C9orf153: variants seen among roughly 807,000 people sequenced by gnomAD.
C9orf153 encodes the protein uncharacterized protein C9orf153.
A neutral mutation model predicts 9.0 loss-of-function variants in C9orf153; 10 were observed. The observed-to-expected ratio is 1.11, with a 90% CI of 0.69 to 1.89. The LOEUF is 1.89. C9orf153 is among the 40% of genes most tolerant of loss of function. The pLI, the probability that C9orf153 is intolerant of heterozygous loss-of-function variation, is 0.00. For missense variants in C9orf153, 108 were observed against 111.0 expected (o/e 0.97, Z 0.12); for synonymous variants, 35 against 37.3 (o/e 0.94, Z 0.23).
At position 86,221,749 on chromosome 9, in the gene C9orf153, T is replaced by A. The variant is rs771181572; in HGVS notation, c.243-16A>T. 9 of 1,502,684 alleles carry A rather than the reference T, an allele frequency of 6.0e-6. No homozygotes were observed. The East Asian group carries it at 2.0e-4, about 33-fold the overall frequency. 93.1% of individuals were successfully genotyped at this position (1,502,684 alleles called of 1,614,324 possible). ...AATTGTTTTCCTGAAAAGAATCATA[T>A]TTTCAAAGAATCACATGGTGTTGTT... is the stretch of plus-strand genomic sequence containing the variant. On this transcript the variant is annotated splice_polypyrimidine_tract_variant and intron_variant, in intron 3 of 3. Transcript: ENST00000339137.
Position 86,251,914 on chromosome 9 carries a change from T to TACACACACAC in C9orf153, c.-27+7626_-27+7635dup, listed in dbSNP as rs34620205. Among the ~76,000 whole-genome samples the TACACACACAC allele has an allele frequency of 5.1e-3, 710 of 140,236 alleles. 8 individuals are homozygous for TACACACACAC. The highest frequency in any genetic ancestry group is 0.017 in the African/African-American group (626 of 35,912). 92.0% of individuals were successfully genotyped at this position (140,236 alleles called of 152,430 possible). A position where few individuals can be genotyped will look rare whatever the true frequency, so the allele number is the denominator to read the frequency against. ...GGTTTTTCTTTAGCTTTAGGTAAACTACACACACACACACACACACACACA... is the reference window on the plus strand; with the variant it reads ...GGTTTTTCTTTAGCTTTAGGTAAACTACACACACACACACACACACACACACACACACACA... On this transcript the variant is annotated intron_variant, in intron 1 of 3. Transcript: ENST00000339137.
At chr9:86,259,384 A>G (rs1825197357) in intron 1 of C9orf153, among the ~76,000 whole-genome samples, 166 bp downstream of exon 1, 2 of 152,006 alleles carry the variant, frequency 1.3e-5, no homozygotes, top group Admixed American at 1.3e-4. Flanking sequence ...CCTCATCCTT[A>G]TTGGTAAAGA....
chr9:86,259,251 G>C (rs1313825042), intron 1 of C9orf153, among the ~76,000 whole-genome samples: 1 of 152,106 alleles, frequency 6.6e-6, no homozygotes, highest in Non-Finnish European at 1.5e-5. Context: ...AAGGCACTGA[G>C]GTTGGGGAGA....
At chr9:86,225,333 C>CCTTTCTTT (rs989846949) in intron 3 of C9orf153, among the ~76,000 whole-genome samples, 3 of 151,106 alleles carry the variant, frequency 2.0e-5, no homozygotes, top group Non-Finnish European at 3.0e-5. Flanking sequence ...TTCTTTCTTT[C>CCTTTCTTT]CTTTCTTTCT....
intron 1 of C9orf153, among the ~76,000 whole-genome samples, chr9:86,240,437 C>T (rs1213863888): frequency 7.0e-6 from 1 of 143,876 alleles, no homozygotes; most frequent in East Asian, 2.1e-4. Flanking sequence ...AGTGCAGTGG[C>T]GCTATCTCGG....
chr9:86,250,962 T>A (rs1051192780), intron 1 of C9orf153, among the ~76,000 whole-genome samples: 5 of 152,198 alleles, frequency 3.3e-5, no homozygotes, highest in Non-Finnish European at 1.5e-5. Context: ...GATGCAGTCA[T>A]AGCTCATAGC....
intron 1 of C9orf153, among the ~76,000 whole-genome samples, chr9:86,238,333 C>A (rs1446850285): frequency 1.3e-5 from 2 of 152,140 alleles, no homozygotes; most frequent in African/African-American, 2.4e-5. Flanking sequence ...TGGCAGATTA[C>A]ACATTCTTCT....
At chr9:86,237,688 A>G (rs1377463878) in intron 1 of C9orf153, among the ~76,000 whole-genome samples, 2 of 152,252 alleles carry the variant, frequency 1.3e-5, no homozygotes, top group Non-Finnish European at 2.9e-5. Context: ...TTTCAGAGCA[A>G]GAAAATTTAT....
intron 1 of C9orf153, among the ~76,000 whole-genome samples, chr9:86,251,688 A>C (rs542341854): frequency 6.6e-6 from 1 of 152,242 alleles, no homozygotes; most frequent in African/African-American, 2.4e-5. Context: ...AAATTGGAGA[A>C]AGAAAGAATA....
intron 1 of C9orf153, among the ~76,000 whole-genome samples, chr9:86,244,666 G>A (rs1275215684): frequency 6.6e-6 from 1 of 152,198 alleles, no homozygotes; most frequent in Non-Finnish European, 1.5e-5. Flanking sequence ...GAATACTTAT[G>A]AAGATCTGTG....
intron 1 of C9orf153, among the ~76,000 whole-genome samples, chr9:86,259,281 T>C (rs1399006827): frequency 6.6e-6 from 1 of 152,168 alleles, no homozygotes; most frequent in Non-Finnish European, 1.5e-5. Context: ...GCTATCAGTG[T>C]TGAAGGCCGG....
intron 1 of C9orf153, among the ~76,000 whole-genome samples, chr9:86,242,594 G>A (rs1359340152): frequency 6.6e-6 from 1 of 152,194 alleles, no homozygotes; most frequent in Non-Finnish European, 1.5e-5. Flanking sequence ...GGCCAAATAT[G>A]TATTTTATGT....
intron 1 of C9orf153, among the ~76,000 whole-genome samples, chr9:86,241,045 T>C (rs1824733181): frequency 6.6e-6 from 1 of 152,068 alleles, no homozygotes; most frequent in South Asian, 2.1e-4. Context: ...CCCTCTCCCC[T>C]GGCTTCTCAT....
At position 86,233,807 on chromosome 9, in the gene C9orf153, G is replaced by A. The variant is rs143607407; in HGVS notation, c.-26-4178C>T. Among the ~76,000 whole-genome samples the A allele has an allele frequency of 6.4e-3, 968 of 152,204 alleles. 10 individuals carry two copies. The highest frequency in any genetic ancestry group is 0.021 in the African/African-American group (891 of 41,512). On this transcript the variant is annotated intron_variant, in intron 1 of 3. Transcript: ENST00000339137. ...CATTTAAAAATATCATATTTCGGCCGGGCGCGGTGACTGGCGCCTGTAATC... is the reference window on the plus strand; with the variant it reads ...CATTTAAAAATATCATATTTCGGCCAGGCGCGGTGACTGGCGCCTGTAATC...
chr9:86,247,897 C>T (rs777953836), intron 1 of C9orf153, among the ~76,000 whole-genome samples: 21 of 152,228 alleles, frequency 1.4e-4, no homozygotes, highest in South Asian at 2.1e-4. Context: ...AGTCCTCTGA[C>T]GGTCTGGGGA....
chr9:86,235,741 C>CAA (rs60165641), intron 1 of C9orf153, among the ~76,000 whole-genome samples: 4,799 of 22,104 alleles, frequency 0.22, 1,441 homozygotes, highest in Non-Finnish European at 0.32. Flanking sequence ...GACTCCATCT[C>CAA]AAAAAAAAAA....
intron 1 of C9orf153, among the ~76,000 whole-genome samples, chr9:86,246,159 G>A (rs1587807877): frequency 6.6e-6 from 1 of 152,322 alleles, no homozygotes; most frequent in East Asian, 1.9e-4. Context: ...TCTCCTCTCA[G>A]CTGCTGAGCA....
chr9:86,238,786 G>A (rs1180115491), intron 1 of C9orf153, among the ~76,000 whole-genome samples: 1 of 151,782 alleles, frequency 6.6e-6, no homozygotes, highest in African/African-American at 2.4e-5. Context: ...AAGGTAGTAT[G>A]TATTTAAAGA....
intron 1 of C9orf153, among the ~76,000 whole-genome samples, chr9:86,249,715 A>C (rs1824953119): frequency 6.6e-6 from 1 of 151,750 alleles, no homozygotes; most frequent in Admixed American, 6.6e-5. Flanking sequence ...CACTCGACTT[A>C]TTTTTCTTTA....
Sources: gnomAD v4.1 joint callset for allele counts (sites outside exome capture counted in the v4.1 genomes callset) on GRCh38, gnomAD v4.1.1 for gene constraint, MANE v1.5 for transcripts, NCBI Gene and HGNC (gene_info 2026-07-23, HGNC 2026-07-21) for gene names.